ANGPTL5: variants seen among roughly 807,000 people sequenced by gnomAD.
ANGPTL5 encodes angiopoietin-related protein 5.
In ANGPTL5, 34 loss-of-function variants were observed where a neutral mutation model predicts 39.4. The ratio of observed to expected loss-of-function variants is 0.86; its 90% CI spans 0.66 to 1.15. ANGPTL5 has a LOEUF of 1.15. ANGPTL5 is among the 50% of genes most tolerant of loss of function. The probability of loss-of-function intolerance (pLI) is 0.00; values close to 1 mark genes in which losing one functional copy is unlikely to be tolerated. For synonymous variants in ANGPTL5, 146 were observed against 152.1 expected, an observed-to-expected ratio of 0.96 and a Z score of 0.29; for missense variants, 467 against 457.5, an observed-to-expected ratio of 1.02 and a Z score of -0.19.
chr11:101,892,946 G>A (rs906342697), intron 8 of ANGPTL5, among the ~76,000 whole-genome samples: 2 of 152,094 alleles, frequency 1.3e-5, no homozygotes, highest in African/African-American at 4.8e-5. Context: ...ACACATTGTA[G>A]GTATTTTCAG....
intron 1 of ANGPTL5, among the ~76,000 whole-genome samples, chr11:101,910,344 AG>A (rs980826009): frequency 6.6e-6 from 1 of 150,506 alleles, no homozygotes; most frequent in African/African-American, 2.4e-5. Context: ...CGGGAGGTAG[AG>A]GTTGTGGTGA....
chr11:101,897,691 T>C (rs1939824634), intron 7 of ANGPTL5, among the ~76,000 whole-genome samples: 1 of 152,178 alleles, frequency 6.6e-6, no homozygotes, highest in Non-Finnish European at 1.5e-5. Context: ...TTCTGAGGCC[T>C]CTGTTCTATT....
At chr11:101,896,575 C>G (rs1450568086) in intron 7 of ANGPTL5, among the ~76,000 whole-genome samples, 2 of 152,052 alleles carry the variant, frequency 1.3e-5, no homozygotes, top group African/African-American at 4.8e-5. Context: ...TCTCATTGTT[C>G]AACTCCTACT....
chr11:101,898,581 C>T (rs1484921683), intron 7 of ANGPTL5, among the ~76,000 whole-genome samples: 1 of 152,206 alleles, frequency 6.6e-6, no homozygotes, highest in African/African-American at 2.4e-5. Flanking sequence ...ACAATCATGT[C>T]ATCTGCAAAC....
chr11:101,901,314 TG>T (rs150159623), intron 6 of ANGPTL5, among the ~76,000 whole-genome samples: 21 of 150,604 alleles, frequency 1.4e-4, no homozygotes, highest in Non-Finnish European at 1.5e-5. Flanking sequence ...ACACTGGGGG[TG>T]GGGGGGTGTG....
chr11:101,895,043 T>C lies in ANGPTL5; in HGVS notation c.683A>G (p.Lys228Arg). ...DLLGEFWLGL[K>R]KIFYIVNQKN... is the part of the protein sequence containing the mutation. ...CTGATTTACTATATAAAAAATCTTT[T>C]TCAGTCCTAGCCAAAATTCTCCTGT... Residue 228 changes from lysine to arginine, a missense_variant, in exon 8 of 9, where the codon AAA (lysine) becomes AGA (arginine). Transcript: ENST00000334289. 1 of 1,601,078 alleles carries C rather than the reference T, an allele frequency of 6.2e-7. No individual in the cohort carries two copies. The highest frequency in any genetic ancestry group is 8.5e-7 in the Non-Finnish European group (1 of 1,172,848).
chr11:101,912,155 G>A (rs1940101338), intron 1 of ANGPTL5, among the ~76,000 whole-genome samples: 1 of 152,222 alleles, frequency 6.6e-6, no homozygotes, highest in African/African-American at 2.4e-5. Flanking sequence ...TGTATCCCTA[G>A]CACCTGGAAA....
intron 1 of ANGPTL5, among the ~76,000 whole-genome samples, chr11:101,910,020 T>C (rs1386641702): frequency 6.6e-6 from 1 of 152,224 alleles, no homozygotes; most frequent in African/African-American, 2.4e-5. Context: ...TGCTGCTGGG[T>C]GGAGCTCTCT....
At position 101,907,832 on chromosome 11, in the gene ANGPTL5, G is replaced by C; in HGVS notation, c.78C>G (p.Asn26Lys). ...TTCTTACCGTAGAATGATGTACACA[G>C]TTACCTTGTACAGCTTCTCCACAAA... The part of the protein sequence containing the change: ...IFICGEAVQG[N>K]CVHHSTDSSV... The change falls in exon 2 of 9, where the codon AAC becomes AAG. Residue 26 changes from asparagine to lysine, a missense_variant. Physicochemically the swap from Asn to Lys is moderately conservative, Grantham distance 94 (BLOSUM62 0). Coordinates refer to ENST00000334289, the MANE Select transcript of ANGPTL5 (RefSeq NM_178127.5). 2 of 1,604,984 alleles carry C rather than the reference G, an allele frequency of 1.2e-6. No homozygotes were observed. Among genetic ancestry groups the C allele is most frequent in the Non-Finnish European group, 1.7e-6 (2 of 1,172,042 alleles).
At chr11:101,904,371 T>C (rs987581931) in intron 5 of ANGPTL5, among the ~76,000 whole-genome samples, 3 of 152,206 alleles carry the variant, frequency 2.0e-5, no homozygotes, top group African/African-American at 7.2e-5. Context: ...TAAAAAGTGC[T>C]AACTTTCAGT....
Position 101,903,662 on chromosome 11 carries a change from T to C in ANGPTL5, c.440-941A>G, listed in dbSNP as rs142258979. Reference sequence around the variant, plus strand: ...GGAGACATAGATTTGTTGTTGCCTGTATCCTTAATTGTTAAGAGATATTCT... The same window carrying C: ...GGAGACATAGATTTGTTGTTGCCTGCATCCTTAATTGTTAAGAGATATTCT... On this transcript the variant is annotated intron_variant, in intron 5 of 8. Coordinates refer to ENST00000334289, the MANE Select transcript of ANGPTL5 (RefSeq NM_178127.5). Among the ~76,000 whole-genome samples, 609 of 152,286 alleles carry C rather than the reference T, an allele frequency of 4.0e-3. 4 individuals are homozygous for C. The highest frequency in any genetic ancestry group is 0.013 in the African/African-American group (529 of 41,590).
At chr11:101,914,953 C>A in intron 1 of ANGPTL5, 1 of 262,196 alleles carries the variant, frequency 3.8e-6, no homozygotes, top group Non-Finnish European at 7.2e-6. Context: ...TTGGCTGCTT[C>A]GGGCACATCG....
chr11:101,901,027 T>C (rs190494756), intron 6 of ANGPTL5, among the ~76,000 whole-genome samples: 2,143 of 149,052 alleles, frequency 0.014, 37 homozygotes, highest in African/African-American at 0.029. Flanking sequence ...TTTTTTTTTT[T>C]TTTTTTTTTC....
intron 1 of ANGPTL5, among the ~76,000 whole-genome samples, chr11:101,911,801 C>T (rs1227912049): frequency 6.6e-6 from 1 of 152,188 alleles, no homozygotes; most frequent in Non-Finnish European, 1.5e-5. Flanking sequence ...GCCTAATACA[C>T]CCTACCTCAC....
chr11:101,911,729 A>G (rs536273018), intron 1 of ANGPTL5, among the ~76,000 whole-genome samples: 1 of 152,290 alleles, frequency 6.6e-6, no homozygotes, highest in South Asian at 2.1e-4. Context: ...ATGAGCCAAT[A>G]AAACCTCTTT....
Position 101,891,082 on chromosome 11 carries a change from TA to T in ANGPTL5, c.*196del. 1 of 492,884 alleles carries T rather than the reference TA, an allele frequency of 2.0e-6. No homozygotes were observed. 30.5% of individuals were successfully genotyped at this position (492,884 alleles called of 1,614,324 possible). The stretch of plus-strand genomic sequence containing the variant: ...TGTATATTGTTAATATAGTCAGAAG[TA>T]AAAACATACAATAAGCCATGTTTTC... On this transcript the variant is annotated 3_prime_UTR_variant, in exon 9 of 9. Coordinates refer to ENST00000334289, the MANE Select transcript of ANGPTL5 (RefSeq NM_178127.5).
intron 1 of ANGPTL5, chr11:101,915,188 C>T: frequency 8.5e-6 from 13 of 1,536,310 alleles, no homozygotes; most frequent in Non-Finnish European, 1.1e-5. Context: ...GCCTGAGAGA[C>T]GGAGTGTAGG....
At position 101,907,856 on chromosome 11, in the gene ANGPTL5, A is replaced by C. The variant is rs770759940; in HGVS notation, c.54T>G (p.Ile18Met). Reference protein sequence around the residue: ...SLLFLNVCIFICGEAVQGNCV... With the variant: ...SLLFLNVCIFMCGEAVQGNCV... ...AGTTACCTTGTACAGCTTCTCCACA[A>C]ATAAAAATACATACATTTAAGAATA... Residue 18 changes from isoleucine (I) to methionine (M), a missense_variant, in exon 2 of 9, where the codon ATT (isoleucine) becomes ATG (methionine). Coordinates refer to ENST00000334289, the MANE Select transcript of ANGPTL5 (RefSeq NM_178127.5). The C allele has an allele frequency of 6.2e-7, 1 of 1,610,956 alleles. No homozygotes were observed. Among genetic ancestry groups the C allele is most frequent in the African/African-American group, 1.3e-5 (1 of 74,856 alleles).
At chr11:101,901,600 G>A (rs1006083680) in intron 6 of ANGPTL5, among the ~76,000 whole-genome samples, 5 of 152,092 alleles carry the variant, frequency 3.3e-5, no homozygotes, top group Non-Finnish European at 5.9e-5. Flanking sequence ...GGAAGTTAAG[G>A]AACCAGCACT....
Sources: gnomAD v4.1 joint callset for allele counts (sites outside exome capture counted in the v4.1 genomes callset) on GRCh38, gnomAD v4.1.1 for gene constraint, MANE v1.5 for transcripts, NCBI Gene and HGNC (gene_info 2026-07-23, HGNC 2026-07-21) for gene names.